DLGAP1: variants seen among roughly 807,000 people sequenced by gnomAD.
The protein encoded by DLGAP1 is disks large-associated protein 1.
A neutral mutation model predicts 90.8 loss-of-function variants in DLGAP1; 11 were observed. The ratio of observed to expected loss-of-function variants is 0.12; its 90% CI spans 0.08 to 0.20. DLGAP1 has a LOEUF of 0.20. Among genes scored for constraint, DLGAP1 ranks in the 10% least tolerant of loss-of-function variants. The pLI, the probability that DLGAP1 is intolerant of heterozygous loss-of-function variation, is 1.00. For synonymous variants in DLGAP1, 558 were observed against 540.7 expected (o/e 1.03, Z -0.44); for missense variants, 1,050 against 1,333.8 (o/e 0.79, Z 3.31).
At chr18:4,260,263 G>A (rs1287456852) in intron 1 of DLGAP1, among the ~76,000 whole-genome samples, 2 of 152,130 alleles carry the variant, frequency 1.3e-5, no homozygotes, top group African/African-American at 4.8e-5. Context: ...ACTCTGCTGA[G>A]GGAACACAAA....
At chr18:4,199,353 C>T (rs1052002027) in intron 1 of DLGAP1, among the ~76,000 whole-genome samples, 2 of 152,104 alleles carry the variant, frequency 1.3e-5, no homozygotes, top group African/African-American at 4.8e-5. Context: ...TTTTAGTATG[C>T]CTTTAAAAAC....
chr18:4,013,234 T>C (rs2074459976), intron 2 of DLGAP1, among the ~76,000 whole-genome samples: 1 of 152,220 alleles, frequency 6.6e-6, no homozygotes, highest in Admixed American at 6.5e-5. Context: ...CGGGTACTAT[T>C]ATAAGCATTT....
intron 10 of DLGAP1, among the ~76,000 whole-genome samples, chr18:3,528,280 G>A (rs1467385139): frequency 6.6e-6 from 1 of 152,160 alleles, no homozygotes; most frequent in East Asian, 1.9e-4. Flanking sequence ...ACAAACAAAA[G>A]CTGGTTGCTT....
chr18:3,560,692 A>T (rs2054038279), intron 9 of DLGAP1, among the ~76,000 whole-genome samples: 1 of 150,428 alleles, frequency 6.6e-6, no homozygotes, highest in Non-Finnish European at 1.5e-5. Context: ...CTGATTATTT[A>T]TCTAGTCGGA....
chr18:4,015,027 G>A (rs2074497172), intron 2 of DLGAP1, among the ~76,000 whole-genome samples: 1 of 152,152 alleles, frequency 6.6e-6, no homozygotes, highest in Admixed American at 6.5e-5. Context: ...CCTTTGAACT[G>A]TTTGCTGCTC....
chr18:3,529,058 C>A (rs908338094), intron 10 of DLGAP1, among the ~76,000 whole-genome samples: 2 of 152,230 alleles, frequency 1.3e-5, no homozygotes, highest in South Asian at 2.1e-4. Flanking sequence ...CACGGGAACA[C>A]CTTTCCAGCT....
At chr18:3,595,735 G>A (rs538663501) in intron 7 of DLGAP1, among the ~76,000 whole-genome samples, 2 of 152,292 alleles carry the variant, frequency 1.3e-5, no homozygotes, top group African/African-American at 4.8e-5. Context: ...AGGATTTCAC[G>A]GCTCATTTTC....
intron 4 of DLGAP1, among the ~76,000 whole-genome samples, chr18:3,863,623 A>G (rs2070215051): frequency 6.6e-6 from 1 of 152,216 alleles, no homozygotes; most frequent in African/African-American, 2.4e-5. Context: ...CGTCCATGCC[A>G]TTCCATCTTG....
At chr18:3,621,002 C>A (rs2058077075) in intron 7 of DLGAP1, among the ~76,000 whole-genome samples, 2 of 152,218 alleles carry the variant, frequency 1.3e-5, no homozygotes, top group Admixed American at 1.3e-4. Flanking sequence ...AATCCTCAGG[C>A]TCCACCCAGG....
At chr18:3,928,441 G>A (rs923142294) in intron 3 of DLGAP1, among the ~76,000 whole-genome samples, 1 of 152,032 alleles carries the variant, frequency 6.6e-6, no homozygotes, top group Non-Finnish European at 1.5e-5. Flanking sequence ...GGAATTAAGT[G>A]GTTTAATTTA....
intron 10 of DLGAP1, among the ~76,000 whole-genome samples, chr18:3,530,759 A>G (rs1222931831): frequency 6.6e-6 from 1 of 152,244 alleles, no homozygotes; most frequent in African/African-American, 2.4e-5. Context: ...GTGAGTCTGC[A>G]GTGGCACTAA....
chr18:3,962,145 C>T (rs747701578), intron 3 of DLGAP1, among the ~76,000 whole-genome samples: 9 of 152,102 alleles, frequency 5.9e-5, no homozygotes, highest in Non-Finnish European at 5.9e-5. Context: ...CAGGCAGTTA[C>T]GTCTCAGTGG....
intron 7 of DLGAP1, among the ~76,000 whole-genome samples, chr18:3,634,511 T>G (rs538291540): frequency 1.3e-4 from 20 of 152,338 alleles, no homozygotes; most frequent in African/African-American, 4.3e-4. Flanking sequence ...CTTCAAGTTT[T>G]CAATTTCTTA....
chr18:3,521,370 C>A (rs1304195492), intron 10 of DLGAP1, among the ~76,000 whole-genome samples: 1 of 152,132 alleles, frequency 6.6e-6, no homozygotes, highest in Non-Finnish European at 1.5e-5. Context: ...ATGATAAGCC[C>A]CAGCCCCCTT....
chr18:3,500,576 G>A (rs960451767), intron 12 of DLGAP1, among the ~76,000 whole-genome samples: 1 of 152,126 alleles, frequency 6.6e-6, no homozygotes, highest in Non-Finnish European at 1.5e-5. Context: ...CTAAGGTGGA[G>A]TCTGTGTGGC....
intron 1 of DLGAP1, among the ~76,000 whole-genome samples, chr18:4,312,424 T>A (rs1466060276): frequency 2.0e-5 from 3 of 152,200 alleles, no homozygotes; most frequent in Non-Finnish European, 4.4e-5. Context: ...TAAAAAATTT[T>A]TCAATTTTAT....
intron 3 of DLGAP1, among the ~76,000 whole-genome samples, chr18:3,937,729 T>C (rs1346030151): frequency 6.6e-6 from 1 of 152,198 alleles, no homozygotes; most frequent in Non-Finnish European, 1.5e-5. Context: ...TGTTTCCTTA[T>C]AGGAAGTCCC....
In DLGAP1 at chr18:3,508,592, C is replaced by A; in HGVS notation, c.2549G>T (p.Arg850Ile). ...LLMAQKFYQFRELCEENLNPN... is the reference protein window; with the variant it reads ...LLMAQKFYQFIELCEENLNPN... ...TACCAGGTTTTCTTCACACAGTTCT[C>A]TGAACTGGTAGAATTTCTGGGCCAT... The change falls in exon 11 of 13, where the codon AGA becomes ATA. Residue 850 changes from arginine (R) to isoleucine (I), a missense_variant. By Grantham distance (97) the Arg-to-Ile change is moderately conservative (BLOSUM62 -3). Transcript: ENST00000315677. The A allele has an allele frequency of 6.2e-7, 1 of 1,613,800 alleles. No individual in the cohort carries two copies. The highest frequency in any genetic ancestry group is 8.5e-7 in the Non-Finnish European group (1 of 1,179,840).
At chr18:4,285,974 C>T (rs1424024737) in intron 1 of DLGAP1, among the ~76,000 whole-genome samples, 2 of 152,096 alleles carry the variant, frequency 1.3e-5, no homozygotes, top group African/African-American at 4.8e-5. Flanking sequence ...GTAGCCTGGT[C>T]CCGGACTGAT....
Sources: gnomAD v4.1 joint callset for allele counts (sites outside exome capture counted in the v4.1 genomes callset) on GRCh38, gnomAD v4.1.1 for gene constraint, MANE v1.5 for transcripts, NCBI Gene and HGNC (gene_info 2026-07-23, HGNC 2026-07-21) for gene names.